Variants in FAM107B observed in about 807,000 individuals in gnomAD.
The protein encoded by FAM107B is family with sequence similarity 107 member B.
Under a neutral mutation model 31.5 loss-of-function variants are expected in FAM107B, and 21 were observed. The ratio of observed to expected loss-of-function variants is 0.67; its 90% CI spans 0.47 to 0.96. The LOEUF (loss-of-function observed/expected upper bound fraction) is 0.96. Among genes scored for constraint, FAM107B ranks in the 40% least tolerant of loss-of-function variants. FAM107B has a pLI of 0.00. For missense variants in FAM107B, 452 were observed against 377.1 expected, an observed-to-expected ratio of 1.20 and a Z score of -1.64; for synonymous variants, 157 against 141.5, an observed-to-expected ratio of 1.11 and a Z score of -0.78.
At chr10:14,702,089 C>A (rs1855412096) in intron 1 of FAM107B, among the ~76,000 whole-genome samples, 1 of 152,164 alleles carries the variant, frequency 6.6e-6, no homozygotes, top group Non-Finnish European at 1.5e-5. Context: ...TAAGTAAATG[C>A]AAAAATGACA....
At chr10:14,709,907 TG>T (rs1448724288) in intron 1 of FAM107B, among the ~76,000 whole-genome samples, 1 of 152,018 alleles carries the variant, frequency 6.6e-6, no homozygotes, top group East Asian at 1.9e-4. Context: ...AGCAGTTGCC[TG>T]GGATATAGGG....
chr10:14,590,807 C>T lies in FAM107B; in HGVS notation c.470-60292G>A, dbSNP rs373764297. Among the ~76,000 whole-genome samples, 4 of 147,116 alleles carry T rather than the reference C, an allele frequency of 2.7e-5. No individual in the cohort carries two copies. The East Asian group carries it at 6.0e-4, about 22-fold the overall frequency. On this transcript the variant is annotated intron_variant, in intron 2 of 4. Transcript: ENST00000181796. ...GACCAGCCTGACCAACATGGAGAAA[C>T]CCTGTCTCTACTAAAAAAAAAAAAA...
intron 1 of FAM107B, among the ~76,000 whole-genome samples, chr10:14,708,926 T>C (rs1855579468): frequency 1.3e-5 from 1 of 77,666 alleles, no homozygotes; most frequent in African/African-American, 4.1e-5. Context: ...ATTAAAACAA[T>C]GGAAAATTAG....
intron 1 of FAM107B, among the ~76,000 whole-genome samples, chr10:14,733,000 C>A (rs1187527227): frequency 6.9e-6 from 1 of 145,114 alleles, no homozygotes; most frequent in Non-Finnish European, 1.5e-5. Context: ...TCTAATAATT[C>A]TATAGAATAC....
intron 1 of FAM107B, among the ~76,000 whole-genome samples, chr10:14,711,531 G>C (rs1263442560): frequency 6.6e-6 from 1 of 152,218 alleles, no homozygotes. Context: ...ATACCGCCTA[G>C]CCTAGCTGTG....
At chr10:14,658,175 A>C (rs563135837) in intron 2 of FAM107B, among the ~76,000 whole-genome samples, 1 of 152,306 alleles carries the variant, frequency 6.6e-6, no homozygotes, top group African/African-American at 2.4e-5. Context: ...TGAAATAGAG[A>C]CAAAATGTTG....
chr10:14,673,115 T>C (rs1269420347), intron 1 of FAM107B, among the ~76,000 whole-genome samples: 1 of 152,222 alleles, frequency 6.6e-6, no homozygotes, highest in Non-Finnish European at 1.5e-5. Context: ...ACCTCAAACA[T>C]CCATCATTTC....
In FAM107B at chr10:14,565,373, C is replaced by T. The variant is rs1454935272; in HGVS notation, c.470-34858G>A. Among the ~76,000 whole-genome samples, 3 of 152,102 alleles carry T rather than the reference C, an allele frequency of 2.0e-5. No individual in the cohort carries two copies. The East Asian group carries it at 5.8e-4, about 29-fold the overall frequency. On this transcript the variant is annotated intron_variant, in intron 2 of 4. Coordinates refer to ENST00000181796, the MANE Select transcript of FAM107B (RefSeq NM_031453.4). ...GTCCAAGGGGAGAACCCTCGGCAGA[C>T]ATAGGCGCATGGGCTTGGAGCACAA...
intron 2 of FAM107B, among the ~76,000 whole-genome samples, chr10:14,604,833 GTCTC>G (rs1048228046): frequency 7.3e-5 from 11 of 150,258 alleles, no homozygotes; most frequent in South Asian, 4.2e-4. Context: ...CTCTCTCATT[GTCTC>G]TCTTTCTCTC....
At chr10:14,711,427 C>T (rs759719180) in intron 1 of FAM107B, among the ~76,000 whole-genome samples, 4 of 152,096 alleles carry the variant, frequency 2.6e-5, no homozygotes, top group Non-Finnish European at 5.9e-5. Flanking sequence ...CCTTTTCTTA[C>T]GTTTAGATAC....
chr10:14,581,025 C>T (rs980097321), intron 2 of FAM107B, among the ~76,000 whole-genome samples: 13 of 152,224 alleles, frequency 8.5e-5, no homozygotes, highest in African/African-American at 3.1e-4. Flanking sequence ...TAAAGCAAGT[C>T]TCTGCTGCTG....
At chr10:14,589,811 C>T (rs898911891) in intron 2 of FAM107B, among the ~76,000 whole-genome samples, 3 of 151,830 alleles carry the variant, frequency 2.0e-5, no homozygotes, top group African/African-American at 7.3e-5. Context: ...GAACATAAAG[C>T]AAAATTTAAA....
intron 1 of FAM107B, among the ~76,000 whole-genome samples, chr10:14,712,009 T>C (rs1855660682): frequency 6.6e-6 from 1 of 152,194 alleles, no homozygotes; most frequent in African/African-American, 2.4e-5. Context: ...ACATGTGGGT[T>C]TCCCTGTAGT....
At chr10:14,769,359 T>G (rs984357199) in intron 1 of FAM107B, among the ~76,000 whole-genome samples, 2 of 152,026 alleles carry the variant, frequency 1.3e-5, no homozygotes, top group African/African-American at 4.8e-5. Flanking sequence ...CCTGTTTCCC[T>G]TCACTTTTGT....
chr10:14,708,846 A>T (rs1178357956), intron 1 of FAM107B, among the ~76,000 whole-genome samples: 1 of 152,142 alleles, frequency 6.6e-6, no homozygotes, highest in African/African-American at 2.4e-5. Context: ...CACTTCACCA[A>T]AGAAAATATA....
At chr10:14,635,064 C>G (rs1588673445) in intron 2 of FAM107B, among the ~76,000 whole-genome samples, 2 of 138,798 alleles carry the variant, frequency 1.4e-5, no homozygotes, top group South Asian at 4.5e-4. Flanking sequence ...GATCCAGAGA[C>G]TGGGCAAGAG....
At chr10:14,582,535 A>G (rs1272485359) in intron 2 of FAM107B, among the ~76,000 whole-genome samples, 2 of 149,750 alleles carry the variant, frequency 1.3e-5, no homozygotes, top group African/African-American at 4.9e-5. Context: ...CTGCCACCAC[A>G]CCCGGCTAAT....
rs1243163844 is a variant in FAM107B at position 14,520,870 on chromosome 10, A to G, written c.*320T>C. 1 of 256,340 alleles carries G rather than the reference A, an allele frequency of 3.9e-6. No homozygotes were observed. Among genetic ancestry groups the G allele is most frequent in the Non-Finnish European group, 7.3e-6 (1 of 137,432 alleles). 15.9% of individuals were successfully genotyped at this position (256,340 alleles called of 1,614,324 possible). On this transcript the variant is annotated 3_prime_UTR_variant, in exon 5 of 5. Transcript: ENST00000181796. Reference sequence around the variant, plus strand: ...GAATGGAAGAAAAACCAAGTAGTGCAACTCTCAAGAATTGATTCCAGTGTC... The same window carrying G: ...GAATGGAAGAAAAACCAAGTAGTGCGACTCTCAAGAATTGATTCCAGTGTC...
intron 2 of FAM107B, among the ~76,000 whole-genome samples, chr10:14,541,838 A>T (rs544314079): frequency 6.6e-6 from 1 of 152,318 alleles, no homozygotes; most frequent in East Asian, 1.9e-4. Flanking sequence ...AGCTAGGAGA[A>T]AGCTGGAGCT....
Sources: allele counts gnomAD v4.1 joint callset (sites outside exome capture counted in the v4.1 genomes callset), GRCh38; gene constraint gnomAD v4.1.1; transcripts MANE v1.5; gene names NCBI Gene and HGNC (gene_info 2026-07-23, HGNC 2026-07-21).